Variants in GPC5 observed in about 807,000 individuals in gnomAD.
The protein encoded by GPC5 is glypican-5.
In GPC5, 47 loss-of-function variants were observed where a neutral mutation model predicts 53.9. That is an observed-to-expected ratio of 0.87 (90% CI 0.69 to 1.11). The LOEUF is 1.11. Among genes scored for constraint, GPC5 ranks in the 50% most tolerant of loss-of-function variants. The pLI is 0.00. For missense variants in GPC5, 748 were observed against 713.1 expected (o/e 1.05, Z -0.56); for synonymous variants, 286 against 263.3 (o/e 1.09, Z -0.84).
intron 3 of GPC5, among the ~76,000 whole-genome samples, chr13:91,715,747 G>A (rs1248065582): frequency 2.0e-5 from 2 of 100,162 alleles, no homozygotes; most frequent in Non-Finnish European, 4.5e-5. Context: ...TCTTGAAGTT[G>A]TTTTTTTTTT....
In GPC5 at chr13:92,681,046, C is replaced by T. The variant is rs935358397; in HGVS notation, c.1562-185236C>T. Among the ~76,000 whole-genome samples, 49 of 151,932 alleles carry T rather than the reference C, an allele frequency of 3.2e-4. 1 individual carries two copies. Among genetic ancestry groups the T allele is most frequent in the Non-Finnish European group, 5.9e-5 (4 of 68,018 alleles). On this transcript the variant is annotated intron_variant, in intron 7 of 7. Transcript: ENST00000377067. Reference sequence around the variant, plus strand: ...GCTATTCTAGTCTCCACCCTTTCCCCTGTTGCTGATCCAGTTAAGAGGTCC... The same window carrying T: ...GCTATTCTAGTCTCCACCCTTTCCCTTGTTGCTGATCCAGTTAAGAGGTCC...
chr13:92,116,430 CTGT>C (rs2041602425), intron 6 of GPC5, among the ~76,000 whole-genome samples: 1 of 152,186 alleles, frequency 6.6e-6, no homozygotes, highest in African/African-American at 2.4e-5. Context: ...AAATAAACTT[CTGT>C]TGTTTAAGCC....
intron 7 of GPC5, among the ~76,000 whole-genome samples, chr13:92,529,490 C>T (rs1056207546): frequency 6.6e-6 from 1 of 152,106 alleles, no homozygotes; most frequent in South Asian, 2.1e-4. Context: ...AAATCAGCAA[C>T]ACACATAATG....
chr13:91,755,273 C>T (rs1034293408), intron 4 of GPC5, among the ~76,000 whole-genome samples: 2 of 152,064 alleles, frequency 1.3e-5, no homozygotes, highest in Non-Finnish European at 2.9e-5. Context: ...TTTTTAAACA[C>T]ATTATATTTT....
chr13:92,569,074 C>T (rs376391556), intron 7 of GPC5, among the ~76,000 whole-genome samples: 348 of 96,094 alleles, frequency 3.6e-3, no homozygotes, highest in African/African-American at 0.013. Flanking sequence ...CTATCCCTCC[C>T]CCCTCCCCCC....
chr13:92,750,426 A>G (rs1350635393), intron 7 of GPC5, among the ~76,000 whole-genome samples: 1 of 152,172 alleles, frequency 6.6e-6, no homozygotes, highest in African/African-American at 2.4e-5. Flanking sequence ...ATTGAAGAGA[A>G]AAGACAATGC....
At chr13:92,789,669 C>T (rs934318679) in intron 7 of GPC5, among the ~76,000 whole-genome samples, 19 of 151,826 alleles carry the variant, frequency 1.3e-4, no homozygotes, top group Non-Finnish European at 2.4e-4. Flanking sequence ...ATAACAAAAC[C>T]TCATAAAATA....
chr13:91,416,314 C>G (rs1226343301), intron 1 of GPC5, among the ~76,000 whole-genome samples: 1 of 152,102 alleles, frequency 6.6e-6, no homozygotes. Context: ...CTTCTACTAG[C>G]TGTTTAATAG....
chr13:92,818,217 C>G (rs1019066988), intron 7 of GPC5, among the ~76,000 whole-genome samples: 8 of 151,774 alleles, frequency 5.3e-5, no homozygotes, highest in African/African-American at 1.5e-4. Context: ...ACCATATTGG[C>G]CAGGCTGGTC....
intron 7 of GPC5, among the ~76,000 whole-genome samples, chr13:92,468,084 T>C (rs1167794551): frequency 1.3e-5 from 2 of 152,128 alleles, no homozygotes; most frequent in African/African-American, 4.8e-5. Context: ...TAAGTGTTTT[T>C]GAGCTAACAT....
chr13:92,408,056 C>T (rs959527847), intron 7 of GPC5, among the ~76,000 whole-genome samples: 4 of 152,148 alleles, frequency 2.6e-5, no homozygotes, highest in Admixed American at 6.5e-5. Context: ...TTGTCTGCAC[C>T]GCAGGAGGTA....
intron 2 of GPC5, among the ~76,000 whole-genome samples, chr13:91,465,836 T>C (rs1241118638): frequency 6.6e-6 from 1 of 152,210 alleles, no homozygotes; most frequent in Non-Finnish European, 1.5e-5. Flanking sequence ...CTGCAAATCA[T>C]TGATCTTCTC....
chr13:92,131,385 T>C (rs781622792), intron 6 of GPC5, among the ~76,000 whole-genome samples: 9 of 152,016 alleles, frequency 5.9e-5, no homozygotes, highest in Non-Finnish European at 4.4e-5. Flanking sequence ...TATCAAAAGA[T>C]ATGTATAAGA....
chr13:92,838,491 AAAAAAAAAG>A (rs1878303110), intron 7 of GPC5, among the ~76,000 whole-genome samples: 1 of 148,056 alleles, frequency 6.8e-6, no homozygotes, highest in South Asian at 2.2e-4. Flanking sequence ...CCCCCCCCAA[AAAAAAAAAG>A]AAAAAAAAGA....
At chr13:92,791,727 T>C (rs1250466170) in intron 7 of GPC5, among the ~76,000 whole-genome samples, 1 of 152,168 alleles carries the variant, frequency 6.6e-6, no homozygotes, top group Admixed American at 6.6e-5. Flanking sequence ...TATTTTCTTA[T>C]TTTGTAACAG....
intron 6 of GPC5, among the ~76,000 whole-genome samples, chr13:92,019,454 T>C (rs1402240609): frequency 6.6e-6 from 1 of 152,080 alleles, no homozygotes; most frequent in Non-Finnish European, 1.5e-5. Flanking sequence ...CAAATCTTAC[T>C]TCTTTTTTGC....
chr13:92,302,143 A>G (rs1038626751), intron 7 of GPC5, among the ~76,000 whole-genome samples: 1 of 152,172 alleles, frequency 6.6e-6, no homozygotes, highest in Non-Finnish European at 1.5e-5. Context: ...ATAATATTCT[A>G]TACTTTAGTC....
At chr13:91,937,409 G>A (rs909671174) in intron 6 of GPC5, among the ~76,000 whole-genome samples, 1 of 152,030 alleles carries the variant, frequency 6.6e-6, no homozygotes, top group Non-Finnish European at 1.5e-5. Context: ...TTTTACAGAA[G>A]AGCGAGTTGG....
chr13:91,876,162 T>A (rs2039199804), intron 5 of GPC5, among the ~76,000 whole-genome samples: 1 of 152,222 alleles, frequency 6.6e-6, no homozygotes, highest in African/African-American at 2.4e-5. Context: ...GAACTGTAAG[T>A]CCACTTAAAC....
Sources: gnomAD v4.1 joint callset for allele counts (sites outside exome capture counted in the v4.1 genomes callset) on GRCh38, gnomAD v4.1.1 for gene constraint, MANE v1.5 for transcripts, NCBI Gene and HGNC (gene_info 2026-07-23, HGNC 2026-07-21) for gene names.